The following DNAH2 variants were observed in gnomAD, a reference collection of about 807,000 sequenced individuals.
The protein encoded by DNAH2 is dynein axonemal heavy chain 2, also known as axonemal beta dynein heavy chain 2.
Under a neutral mutation model 523.5 loss-of-function variants are expected in DNAH2, and 323 were observed. The ratio of observed to expected loss-of-function variants is 0.62; its 90% CI spans 0.56 to 0.68. DNAH2 has a LOEUF of 0.68. Among genes scored for constraint, DNAH2 ranks in the 30% least tolerant of loss-of-function variants. DNAH2 has a pLI of 0.00. For missense variants in DNAH2, 4,907 were observed against 5,701.5 expected (o/e 0.86, Z 4.49); for synonymous variants, 2,093 against 2,177.4 (o/e 0.96, Z 1.08).
At position 7,759,591 on chromosome 17, in the gene DNAH2, T is replaced by G; in HGVS notation, c.2618T>G (p.Leu873Arg). 1 of 1,614,040 alleles carries G rather than the reference T, an allele frequency of 6.2e-7. No homozygotes were observed. The highest frequency in any genetic ancestry group is 1.3e-5 in the African/African-American group (1 of 75,074). The change falls in exon 16 of 86, where the codon CTG becomes CGG. Residue 873 changes from leucine (L) to arginine (R), a missense_variant. Around this residue, in one of 3 missense-constraint regions of DNAH2, gnomAD observed 2,806 missense variants for 3,190.8 expected, o/e 0.88. Transcript: ENST00000572933. ...GTCCTTGTCATTTTGAAGAATGATC[T>G]GCAAGGAAGTGTGGCACAGGTAAGA... ...FQVLVILKND[L>R]QGSVAQVEFS...
At chr17:7,813,456 C>T (rs997371416) in intron 63 of DNAH2, among the ~76,000 whole-genome samples, 32 of 151,950 alleles carry the variant, frequency 2.1e-4, no homozygotes, top group African/African-American at 6.5e-4. Context: ...AATGTGTATC[C>T]GTAGGAGACT....
At position 7,818,934 on chromosome 17, in the gene DNAH2, C is replaced by T. The variant is rs1175961364; in HGVS notation, c.10686C>T (p.Ala3562=). 7.4e-6 allele frequency: 12 copies of T among 1,612,128 alleles called. 1 individual carries two copies. The highest frequency in any genetic ancestry group is 1.0e-5 in the Non-Finnish European group (12 of 1,179,436). The change falls in exon 71 of 86, where the codon GCC becomes GCT. Residue 3562 remains alanine, a synonymous_variant. Coordinates refer to ENST00000572933, the MANE Select transcript of DNAH2 (RefSeq NM_020877.5). ...EDEILRLLNE[A]TGSLLDDVQL... ...CTCCCCCTAGGCTGCTGAATGAGGC[C>T]ACCGGCTCCCTGCTGGATGATGTGC... is the stretch of plus-strand genomic sequence containing the variant.
At chr17:7,817,453 AC>A in intron 65 of DNAH2, 38 bp downstream of exon 65, 1 of 1,613,570 alleles carries the variant, frequency 6.2e-7, no homozygotes, top group Non-Finnish European at 8.5e-7. Flanking sequence ...AGGCTCCGAG[AC>A]CAGGGCTGGG....
At chr17:7,789,587 T>C (rs546563202) in intron 44 of DNAH2, among the ~76,000 whole-genome samples, 3 of 151,600 alleles carry the variant, frequency 2.0e-5, no homozygotes, top group African/African-American at 7.2e-5. Flanking sequence ...CTCTTTTTTT[T>C]TTTTTTTGAG....
intron 28 of DNAH2, among the ~76,000 whole-genome samples, chr17:7,772,962 C>T (rs192472241): frequency 1.3e-4 from 20 of 151,992 alleles, no homozygotes; most frequent in Non-Finnish European, 1.9e-4. Context: ...TTAGTAGAGA[C>T]GGTGTTTCAC....
Position 7,754,965 on chromosome 17 carries a change from A to AC in DNAH2, c.1905-2126_1905-2125insC. ...CTATTGGTACAAATAAGCCTGAGGC[A>AC]GAAAAAAAAAAAAAAAGAATAGGCA... On this transcript the variant is annotated intron_variant, in intron 12 of 85. Coordinates refer to ENST00000572933, the MANE Select transcript of DNAH2 (RefSeq NM_020877.5). This position sits in a 1 kb window ranked among gnomAD's most constrained non-coding sequence, Gnocchi z 4.6. 1.1e-5 allele frequency: 4 copies of AC among 367,078 alleles called. No individual in the cohort carries two copies. Among genetic ancestry groups the AC allele is most frequent in the Non-Finnish European group, 1.5e-5 (3 of 205,490 alleles). The allele number at this position is 367,078 out of a possible 1,614,324, so 22.7% of individuals were successfully genotyped here.
In DNAH2 at chr17:7,831,879, G is replaced by C; in HGVS notation, c.12726+104G>C. On this transcript the variant is annotated intron_variant, in intron 82 of 85. Coordinates refer to ENST00000572933, the MANE Select transcript of DNAH2 (RefSeq NM_020877.5). The surrounding 1 kb of genome is among the most constrained non-coding windows in gnomAD (Gnocchi z 4.2). ...AGGTGGGCATAAAGCAAACTGCAGA[G>C]AGCCGAAACTTTGAAGTTAGATAGG... 1 of 1,017,970 alleles carries C rather than the reference G, an allele frequency of 9.8e-7. No homozygotes were observed. The highest frequency in any genetic ancestry group is 1.4e-6 in the Non-Finnish European group (1 of 703,460). 63.1% of individuals were successfully genotyped at this position (1,017,970 alleles called of 1,614,324 possible). A position where few individuals can be genotyped will look rare whatever the true frequency, so the allele number is the denominator to read the frequency against.
At chr17:7,745,955 T>G (rs1193076857) in intron 12 of DNAH2, among the ~76,000 whole-genome samples, 1 of 152,166 alleles carries the variant, frequency 6.6e-6, no homozygotes, top group Non-Finnish European at 1.5e-5. Flanking sequence ...TTTTGCCACG[T>G]GACCTCAGGC....
At chr17:7,726,534 C>G (rs533979284) in intron 3 of DNAH2, among the ~76,000 whole-genome samples, 2 of 152,220 alleles carry the variant, frequency 1.3e-5, no homozygotes, top group East Asian at 1.9e-4. Flanking sequence ...AACTCCCGAC[C>G]TCAGGTGATC....
chr17:7,760,694 G>A lies in DNAH2; in HGVS notation c.2786-46G>A, dbSNP rs761188231. 1.0e-5 allele frequency: 16 copies of A among 1,575,382 alleles called. No homozygotes were observed. The African/African-American group carries it at 2.0e-4, about 20-fold the overall frequency. Reference sequence around the variant, plus strand: ...TGGGCAGGGCTCAGGCAGAAGTTGGGTTGGGGTGGAAGTCAGTGAGAAGCA... The same window carrying A: ...TGGGCAGGGCTCAGGCAGAAGTTGGATTGGGGTGGAAGTCAGTGAGAAGCA... On this transcript the variant is annotated intron_variant, in intron 17 of 85. Transcript: ENST00000572933. This position sits in a 1 kb window ranked among gnomAD's most constrained non-coding sequence, Gnocchi z 4.0.
At chr17:7,733,059 G>A in intron 4 of DNAH2, 28 bp from the exon 5 acceptor site, 1 of 1,608,822 alleles carries the variant, frequency 6.2e-7, no homozygotes, top group East Asian at 2.2e-5. Flanking sequence ...CCTGGAGACT[G>A]AACTCTGATC....
Position 7,798,411 on chromosome 17 carries a change from T to C in DNAH2, c.8398+87T>C. On this transcript the variant is annotated intron_variant, in intron 54 of 85. Coordinates refer to ENST00000572933, the MANE Select transcript of DNAH2 (RefSeq NM_020877.5). The surrounding 1 kb of genome is among the most constrained non-coding windows in gnomAD (Gnocchi z 5.5). Reference sequence around the variant, plus strand: ...CAAGAGAGGAGAGATGGCAGCCAGATGGGCAGACGTGTCTGGCCCGTGTTG... The same window carrying C: ...CAAGAGAGGAGAGATGGCAGCCAGACGGGCAGACGTGTCTGGCCCGTGTTG... 1 of 1,536,118 alleles carries C rather than the reference T, an allele frequency of 6.5e-7. No homozygotes were observed. The highest frequency in any genetic ancestry group is 8.8e-7 in the Non-Finnish European group (1 of 1,138,668).
intron 44 of DNAH2, 27 bp downstream of exon 44, chr17:7,788,271 AG>A: frequency 1.9e-6 from 3 of 1,541,250 alleles, no homozygotes; most frequent in Non-Finnish European, 1.8e-6. Context: ...GACCACGGGC[AG>A]GGGCAGGGGG....
In DNAH2 at chr17:7,821,698, C is replaced by T. The variant is rs1448752307; in HGVS notation, c.11142+329C>T. ...ATGGTCGCCCTCACAATCTCTCCCTCACAGGCTCCTCAACCCCAGCTTTTC... is the reference window on the plus strand; with the variant it reads ...ATGGTCGCCCTCACAATCTCTCCCTTACAGGCTCCTCAACCCCAGCTTTTC... On this transcript the variant is annotated intron_variant, in intron 73 of 85. Coordinates refer to ENST00000572933, the MANE Select transcript of DNAH2 (RefSeq NM_020877.5). This position sits in a 1 kb window ranked among gnomAD's most constrained non-coding sequence, Gnocchi z 5.0. 6.6e-6 allele frequency among the ~76,000 whole-genome samples: 1 copy of T among 152,166 alleles called. No individual in the cohort carries two copies. The highest frequency in any genetic ancestry group is 1.5e-5 in the Non-Finnish European group (1 of 68,018).
At chr17:7,784,582 A>G (rs772002319) in intron 39 of DNAH2, among the ~76,000 whole-genome samples, 26 of 152,170 alleles carry the variant, frequency 1.7e-4, no homozygotes, top group Non-Finnish European at 3.2e-4. Context: ...GCATAACCAT[A>G]TTTTTCAAGC....
chr17:7,818,592 G>A lies in DNAH2; in HGVS notation c.10537-51G>A, dbSNP rs749380431. The stretch of plus-strand genomic sequence containing the variant: ...TTCAAGGTGGAAAGAGATGAGGAAG[G>A]TGAAGGTCGAAGGAGTGACAGCCCC... On this transcript the variant is annotated intron_variant, in intron 69 of 85. Coordinates refer to ENST00000572933, the MANE Select transcript of DNAH2 (RefSeq NM_020877.5). The A allele has an allele frequency of 1.7e-5, 28 of 1,608,566 alleles. No individual in the cohort carries two copies. The Middle Eastern group carries it at 6.6e-4, about 38-fold the overall frequency.
chr17:7,744,367 T>G (rs1435138266), intron 12 of DNAH2, among the ~76,000 whole-genome samples: 1 of 150,168 alleles, frequency 6.7e-6, no homozygotes, highest in Non-Finnish European at 1.5e-5. Flanking sequence ...AAGTGCTGTG[T>G]GGAGACGGAG....
At position 7,817,557 on chromosome 17, in the gene DNAH2, C is replaced by G. The variant is rs764689244; in HGVS notation, c.10021-4C>G. The G allele has an allele frequency of 1.2e-6, 2 of 1,614,118 alleles. No homozygotes were observed. The highest frequency in any genetic ancestry group is 2.2e-5 in the East Asian group (1 of 44,880). ...GTTAAAGCATGGGGCTTTTCTCTCC[C>G]CAGATCTGGGAGCTTCAGGTTCCTT... On this transcript the variant is annotated splice_polypyrimidine_tract_variant and splice_region_variant and intron_variant, in intron 65 of 85. Coordinates refer to ENST00000572933, the MANE Select transcript of DNAH2 (RefSeq NM_020877.5).
rs143616651 is a variant in DNAH2 at position 7,798,189 on chromosome 17, C to T, written c.8263C>T (p.Arg2755Trp). 2.2e-4 allele frequency: 351 copies of T among 1,609,988 alleles called. 4 individuals carry two copies. In the South Asian group the frequency reaches 2.6e-3, roughly 12 times the overall value. The change falls in exon 54 of 86, where the codon CGG (arginine) becomes TGG (tryptophan). Residue 2755 changes from arginine (R) to tryptophan (W), a missense_variant. Arg to Trp is a moderately radical substitution (Grantham distance 101). Coordinates refer to ENST00000572933, the MANE Select transcript of DNAH2 (RefSeq NM_020877.5). The surrounding 1 kb of genome is among the most constrained non-coding windows in gnomAD (Gnocchi z 5.5). ...GATCGTGCGGGTCATTGGACAGCCT[C>T]GGGGCAACATGCTCCTGGTGGGTAT... ...TRIVRVIGQPRGNMLLVGIGG... is the reference protein window; with the variant it reads ...TRIVRVIGQPWGNMLLVGIGG...
Sources: gnomAD v4.1 joint callset for allele counts (sites outside exome capture counted in the v4.1 genomes callset) on GRCh38, gnomAD v4.1.1 for gene constraint, gnomAD v4.1.1 regional missense constraint, Gnocchi (gnomAD v3.1) non-coding constraint, MANE v1.5 for transcripts, NCBI Gene and HGNC (gene_info 2026-07-23, HGNC 2026-07-21) for gene names.